Variants in INPP4B observed in about 807,000 individuals in gnomAD.
The protein encoded by INPP4B is inositol polyphosphate 4-phosphatase type II.
In INPP4B, 55 loss-of-function variants were observed where a neutral mutation model predicts 122.5. The ratio of observed to expected loss-of-function variants is 0.45; its 90% confidence interval spans 0.36 to 0.56. The LOEUF (loss-of-function observed/expected upper bound fraction) is 0.56, where lower values mean the gene tolerates loss of function less well. Among genes scored for constraint, INPP4B ranks in the 20% least tolerant of loss-of-function variants. The pLI is 0.00. For missense variants in INPP4B, 1,000 were observed against 1,097.7 expected (o/e 0.91, Z 1.26); for synonymous variants, 403 against 388.7 (o/e 1.04, Z -0.43).
chr4:142,680,465 C>T (rs1267944247), intron 2 of INPP4B, among the ~76,000 whole-genome samples: 1 of 151,718 alleles, frequency 6.6e-6, no homozygotes, highest in African/African-American at 2.4e-5. Flanking sequence ...TGCTAAACAA[C>T]CTGATTCTTT....
chr4:142,143,751 G>C (rs1281022436), intron 18 of INPP4B, among the ~76,000 whole-genome samples: 1 of 151,868 alleles, frequency 6.6e-6, no homozygotes, highest in Non-Finnish European at 1.5e-5. Context: ...CAGAATCAAA[G>C]ATGCTTATAT....
intron 9 of INPP4B, among the ~76,000 whole-genome samples, chr4:142,271,687 C>A (rs1254517938): frequency 6.6e-6 from 1 of 152,046 alleles, no homozygotes; most frequent in East Asian, 1.9e-4. Flanking sequence ...GATAAAGAAA[C>A]TGAGACTCAA....
At chr4:142,439,610 G>C (rs767965381) in intron 3 of INPP4B, among the ~76,000 whole-genome samples, 3 of 152,170 alleles carry the variant, frequency 2.0e-5, no homozygotes, top group Non-Finnish European at 4.4e-5. Context: ...ACAAAAGAAT[G>C]CACAAAGTCA....
intron 2 of INPP4B, among the ~76,000 whole-genome samples, chr4:142,719,794 G>C (rs1764270819): frequency 6.6e-6 from 1 of 152,068 alleles, no homozygotes; most frequent in African/African-American, 2.4e-5. Flanking sequence ...CTATCCAAAA[G>C]TTGAGTACCT....
chr4:142,191,016 GA>G (rs149920535), intron 15 of INPP4B, among the ~76,000 whole-genome samples: 6,992 of 151,084 alleles, frequency 0.046, 399 homozygotes, highest in East Asian at 0.2. Flanking sequence ...TTTAATTGAG[GA>G]AAAAAAATAG....
chr4:142,395,376 CG>C (rs1264632218), intron 7 of INPP4B, among the ~76,000 whole-genome samples: 2 of 152,098 alleles, frequency 1.3e-5, no homozygotes, highest in African/African-American at 4.8e-5. Context: ...GACTGTTACC[CG>C]CATTCTAACA....
intron 11 of INPP4B, among the ~76,000 whole-genome samples, chr4:142,241,789 G>A (rs1859532153): frequency 6.6e-6 from 1 of 152,098 alleles, no homozygotes; most frequent in Admixed American, 6.6e-5. Flanking sequence ...AAGAAATTTT[G>A]GAAATACAGA....
At chr4:142,829,215 A>G (rs1230203411) in intron 1 of INPP4B, among the ~76,000 whole-genome samples, 2 of 151,956 alleles carry the variant, frequency 1.3e-5, no homozygotes, top group Non-Finnish European at 2.9e-5. Context: ...GTTGACTTGG[A>G]TTCACTCTTC....
intron 18 of INPP4B, among the ~76,000 whole-genome samples, chr4:142,125,359 T>A (rs1180294930): frequency 6.8e-6 from 1 of 147,408 alleles, no homozygotes; most frequent in Non-Finnish European, 1.5e-5. Flanking sequence ...TTAAAATATT[T>A]TGAAAAAAAA....
intron 21 of INPP4B, among the ~76,000 whole-genome samples, chr4:142,121,842 G>A (rs1171005052): frequency 6.6e-6 from 1 of 151,990 alleles, no homozygotes; most frequent in Non-Finnish European, 1.5e-5. Context: ...ATAGTAATAA[G>A]GAGAAAAATG....
chr4:142,369,699 G>A (rs1789065162), intron 7 of INPP4B, among the ~76,000 whole-genome samples: 2 of 151,834 alleles, frequency 1.3e-5, no homozygotes, highest in South Asian at 4.1e-4. Flanking sequence ...GGCCAAGGTG[G>A]GTGGATCACC....
At chr4:142,136,287 G>A (rs898886638) in intron 18 of INPP4B, among the ~76,000 whole-genome samples, 1 of 152,206 alleles carries the variant, frequency 6.6e-6, no homozygotes, top group African/African-American at 2.4e-5. Context: ...GGAGAACCCT[G>A]CAGAACTGCA....
chr4:142,246,031 C>G (rs1025496030), intron 11 of INPP4B, among the ~76,000 whole-genome samples: 3 of 132,270 alleles, frequency 2.3e-5, no homozygotes, highest in Non-Finnish European at 4.7e-5. Flanking sequence ...TATGTACACA[C>G]ACGTGTGTGT....
chr4:142,555,510 G>T (rs1236079011), intron 2 of INPP4B, among the ~76,000 whole-genome samples: 1 of 152,096 alleles, frequency 6.6e-6, no homozygotes, highest in Non-Finnish European at 1.5e-5. Context: ...TTTTACAGTT[G>T]ATTTATACAG....
intron 18 of INPP4B, among the ~76,000 whole-genome samples, chr4:142,142,329 A>G (rs1449245205): frequency 1.3e-5 from 2 of 152,132 alleles, no homozygotes; most frequent in Non-Finnish European, 2.9e-5. Context: ...AAGTGGCAGG[A>G]AATAAGTGAA....
intron 23 of INPP4B, among the ~76,000 whole-genome samples, chr4:142,086,886 G>A (rs1466381609): frequency 1.3e-5 from 2 of 152,188 alleles, no homozygotes; most frequent in Non-Finnish European, 2.9e-5. Flanking sequence ...AGACATAGAT[G>A]TCATGAGATA....
intron 2 of INPP4B, among the ~76,000 whole-genome samples, chr4:142,615,892 C>A (rs199897919): frequency 1.3e-5 from 2 of 151,674 alleles, no homozygotes; most frequent in Non-Finnish European, 2.9e-5. Context: ...AATAAACTGA[C>A]AAAAGCCATA....
intron 18 of INPP4B, among the ~76,000 whole-genome samples, chr4:142,135,843 C>A (rs1478192470): frequency 2.0e-5 from 3 of 152,134 alleles, no homozygotes; most frequent in Non-Finnish European, 4.4e-5. Context: ...GTCGCCCAGG[C>A]TGGAGTGCAG....
intron 25 of INPP4B, among the ~76,000 whole-genome samples, chr4:142,042,081 C>T (rs779569541): frequency 2.0e-5 from 3 of 152,144 alleles, no homozygotes; most frequent in Admixed American, 6.5e-5. Flanking sequence ...TCAGACCATT[C>T]AGCAAGATCT....
Sources: gnomAD v4.1 joint callset for allele counts (sites outside exome capture counted in the v4.1 genomes callset) on GRCh38, gnomAD v4.1.1 for gene constraint, MANE v1.5 for transcripts, NCBI Gene and HGNC (gene_info 2026-07-23, HGNC 2026-07-21) for gene names.